The following MSI2 variants were observed in gnomAD, a reference collection of about 807,000 sequenced individuals.
MSI2 encodes the protein RNA-binding protein Musashi homolog 2.
Under a neutral mutation model 45.6 loss-of-function variants are expected in MSI2, and 17 were observed. The observed-to-expected ratio is 0.37, with a 90% CI of 0.26 to 0.56. MSI2 has a LOEUF of 0.56. Among genes scored for constraint, MSI2 ranks in the 20% least tolerant of loss-of-function variants. The pLI is 0.77. For synonymous variants in MSI2, 156 were observed against 158.2 expected, an observed-to-expected ratio of 0.99 and a Z score of 0.11; for missense variants, 293 against 444.2, an observed-to-expected ratio of 0.66 and a Z score of 3.06.
chr17:57,627,738 CCCTCCT>C lies in MSI2; in HGVS notation c.727+442_727+447del, dbSNP rs1908943585. The C allele has an allele frequency of 4.7e-6, 1 of 214,420 alleles. No homozygotes were observed. Among genetic ancestry groups the C allele is most frequent in the Non-Finnish European group, 9.4e-6 (1 of 106,566 alleles). The allele number at this position is 214,420 out of a possible 1,614,324, so 13.3% of individuals were successfully genotyped here. A position where few individuals can be genotyped will look rare whatever the true frequency, so the allele number is the denominator to read the frequency against. Reference sequence around the variant, plus strand: ...CCCGCCCTTGCTTCCTTTCCTCCACCCCTCCTCCTCCTGCTCCGTCCTGACTGCTGT... The same window carrying C: ...CCCGCCCTTGCTTCCTTTCCTCCACCCCTCCTGCTCCGTCCTGACTGCTGT... On this transcript the variant is annotated intron_variant, in intron 10 of 13. Transcript: ENST00000284073. This position sits in a 1 kb window ranked among gnomAD's most constrained non-coding sequence, Gnocchi z 4.6.
At chr17:57,678,251 G>T (rs980724161) in intron 13 of MSI2, among the ~76,000 whole-genome samples, 28 of 152,148 alleles carry the variant, frequency 1.8e-4, no homozygotes, top group Non-Finnish European at 2.9e-4. Context: ...CTCAACTAAC[G>T]CAACTGCCTC....
At chr17:57,386,265 G>C (rs1471753261) in intron 5 of MSI2, among the ~76,000 whole-genome samples, 1 of 151,988 alleles carries the variant, frequency 6.6e-6, no homozygotes, top group Non-Finnish European at 1.5e-5. Context: ...TTTCTGCTTG[G>C]GTCCTCAGTG....
At chr17:57,502,602 GATATATATATATATATAT>G (rs57142800) in intron 6 of MSI2, among the ~76,000 whole-genome samples, 1,303 of 54,442 alleles carry the variant, frequency 0.024, 175 homozygotes, top group South Asian at 0.039. Context: ...ATGACTCTGA[GATATATATATATATATAT>G]ATATATATAT....
intron 10 of MSI2, among the ~76,000 whole-genome samples, chr17:57,641,516 T>C (rs1910263846): frequency 1.3e-5 from 2 of 152,112 alleles, no homozygotes; most frequent in African/African-American, 4.8e-5. Context: ...CTTCTGGCAG[T>C]TGGGTGTCTG....
At position 57,336,208 on chromosome 17, in the gene MSI2, A is replaced by G. The variant is rs28484996; in HGVS notation, c.313-65171A>G. 9.8e-3 allele frequency among the ~76,000 whole-genome samples: 1,488 copies of G among 152,254 alleles called. 28 individuals are homozygous for G. The highest frequency in any genetic ancestry group is 0.034 in the African/African-American group (1,420 of 41,536). On this transcript the variant is annotated intron_variant, in intron 5 of 13. Transcript: ENST00000284073. ...CCAGCTATGTCTTGAAGGTTGAGCT[A>G]TGGGATCTGCTGAAGACTGGGATGT...
intron 7 of MSI2, among the ~76,000 whole-genome samples, chr17:57,595,965 C>T (rs886707769): frequency 6.6e-6 from 1 of 152,188 alleles, no homozygotes; most frequent in South Asian, 2.1e-4. Context: ...AGTGTGTCTG[C>T]CCCCATGGCC....
intron 5 of MSI2, among the ~76,000 whole-genome samples, chr17:57,335,142 G>A (rs183276836): frequency 1.3e-5 from 2 of 152,252 alleles, no homozygotes; most frequent in Non-Finnish European, 2.9e-5. Flanking sequence ...GGCTTTGTTG[G>A]TGTCTTCCCG....
chr17:57,511,849 G>A (rs754133702), intron 6 of MSI2, among the ~76,000 whole-genome samples: 5 of 152,128 alleles, frequency 3.3e-5, no homozygotes, highest in African/African-American at 7.2e-5. Flanking sequence ...CAGCCATTCC[G>A]CAGCTCACAC....
chr17:57,434,561 G>A (rs2084657634), intron 6 of MSI2, among the ~76,000 whole-genome samples: 2 of 151,864 alleles, frequency 1.3e-5, no homozygotes, highest in Admixed American at 6.6e-5. Flanking sequence ...CCTTCCCCAT[G>A]CACCCCCATC....
At chr17:57,592,917 T>C (rs544337897) in intron 7 of MSI2, among the ~76,000 whole-genome samples, 116 of 151,974 alleles carry the variant, frequency 7.6e-4, no homozygotes, top group African/African-American at 2.7e-3. Flanking sequence ...CAGGAAGGAG[T>C]TGGTTTGCAG....
chr17:57,262,363 T>A, intron 5 of MSI2, 171 bp downstream of exon 5: 1 of 598,128 alleles, frequency 1.7e-6, no homozygotes, highest in Non-Finnish European at 2.8e-6. Context: ...CGTCTCTAAG[T>A]TAGCCATCCC....
At chr17:57,321,556 T>C (rs1913346195) in intron 5 of MSI2, among the ~76,000 whole-genome samples, 1 of 152,166 alleles carries the variant, frequency 6.6e-6, no homozygotes, top group African/African-American at 2.4e-5. Context: ...CTGAGCTTTC[T>C]CTTGGACTAG....
intron 7 of MSI2, among the ~76,000 whole-genome samples, chr17:57,564,948 C>A (rs1478931715): frequency 6.6e-6 from 1 of 152,194 alleles, no homozygotes; most frequent in Non-Finnish European, 1.5e-5. Flanking sequence ...TGTTTCACCA[C>A]CTTCATTAAC....
intron 5 of MSI2, among the ~76,000 whole-genome samples, chr17:57,274,698 TATGTGACACGGGTAGAA>T (rs1239196045): frequency 8.5e-5 from 13 of 152,364 alleles, no homozygotes; most frequent in Non-Finnish European, 1.6e-4. Flanking sequence ...CATATAAATG[TATGTGACACGGGTAGAA>T]TTGCAGTGTA....
intron 7 of MSI2, among the ~76,000 whole-genome samples, chr17:57,563,642 C>A (rs2087643293): frequency 6.6e-6 from 1 of 152,044 alleles, no homozygotes; most frequent in African/African-American, 2.4e-5. Context: ...CTCTCGCCTT[C>A]CAGCATTTAA....
intron 5 of MSI2, among the ~76,000 whole-genome samples, chr17:57,393,456 C>T (rs755856764): frequency 6.6e-6 from 1 of 152,132 alleles, no homozygotes; most frequent in Non-Finnish European, 1.5e-5. Flanking sequence ...TGTGTCAGTA[C>T]CTCGTTCCTT....
chr17:57,522,029 GT>G (rs1293666534), intron 6 of MSI2, among the ~76,000 whole-genome samples: 1 of 152,164 alleles, frequency 6.6e-6, no homozygotes, highest in Admixed American at 6.5e-5. Context: ...ACCGATTTGG[GT>G]TTTGCCTAAG....
chr17:57,411,287 G>A (rs75402227), intron 6 of MSI2, among the ~76,000 whole-genome samples: 24,374 of 152,244 alleles, frequency 0.16, 2,070 homozygotes, highest in African/African-American at 0.18. Context: ...GATTACAGGC[G>A]TGAGCCACCA....
intron 6 of MSI2, among the ~76,000 whole-genome samples, chr17:57,496,757 T>C (rs2085988515): frequency 6.6e-6 from 1 of 152,246 alleles, no homozygotes; most frequent in Admixed American, 6.5e-5. Context: ...GTTCAGCACC[T>C]GAACAGGGCA....
Sources: allele counts gnomAD v4.1 joint callset (sites outside exome capture counted in the v4.1 genomes callset), GRCh38; gene constraint gnomAD v4.1.1; non-coding constraint Gnocchi (gnomAD v3.1); transcripts MANE v1.5; gene names NCBI Gene and HGNC (gene_info 2026-07-23, HGNC 2026-07-21).